The following CFAP58 variants were observed in gnomAD, a reference collection of about 807,000 sequenced individuals.
The protein encoded by CFAP58 is cilia and flagella associated protein 58.
A neutral mutation model predicts 119.5 loss-of-function variants in CFAP58; 88 were observed. The observed-to-expected ratio is 0.74, with a 90% confidence interval of 0.62 to 0.88. The LOEUF is 0.88. CFAP58 is among the 40% of genes least tolerant of loss of function. The pLI, the probability that CFAP58 is intolerant of heterozygous loss-of-function variation, is 0.00. For missense variants in CFAP58, 990 were observed against 1,021.2 expected (o/e 0.97, Z 0.42); for synonymous variants, 365 against 366.3 (o/e 1.00, Z 0.04).
chr10:104,429,084 C>T (rs938022535), intron 15 of CFAP58, among the ~76,000 whole-genome samples: 10 of 152,184 alleles, frequency 6.6e-5, no homozygotes, highest in African/African-American at 2.2e-4. Context: ...CATTGCCCTC[C>T]AGCAGCACCG....
intron 8 of CFAP58, among the ~76,000 whole-genome samples, chr10:104,378,673 A>G (rs1289992423): frequency 6.6e-6 from 1 of 152,200 alleles, no homozygotes; most frequent in Admixed American, 6.5e-5. Context: ...ATGACAAAAA[A>G]TGGCTGTCAC....
At chr10:104,431,484 T>C (rs1473025242) in intron 15 of CFAP58, among the ~76,000 whole-genome samples, 3 of 152,164 alleles carry the variant, frequency 2.0e-5, no homozygotes, top group Non-Finnish European at 4.4e-5. Context: ...TTCTTGAGGG[T>C]GGGAAAAATC....
At chr10:104,361,414 T>A (rs1020485821) in intron 2 of CFAP58, among the ~76,000 whole-genome samples, 2 of 152,196 alleles carry the variant, frequency 1.3e-5, no homozygotes, top group African/African-American at 2.4e-5. Context: ...GTTCTAAAGT[T>A]CACATTGTCA....
chr10:104,389,841 TA>T (rs2011997840), intron 9 of CFAP58, among the ~76,000 whole-genome samples: 1 of 152,050 alleles, frequency 6.6e-6, no homozygotes, highest in South Asian at 2.1e-4. Context: ...ACCTTGAGAT[TA>T]AAAAAGAACT....
At chr10:104,343,991 C>A in the CFAP58 span, among the ~76,000 whole-genome samples, 1 of 152,232 alleles carries the variant, frequency 6.6e-6, no homozygotes, top group Non-Finnish European at 1.5e-5. Flanking sequence ...GATCCTCCTT[C>A]CTCGGCCTCC....
At chr10:104,406,102 A>G (rs1296936900) in intron 14 of CFAP58, among the ~76,000 whole-genome samples, 4 of 152,234 alleles carry the variant, frequency 2.6e-5, no homozygotes, top group Admixed American at 1.3e-4. Flanking sequence ...GTCTCAAACA[A>G]CAACAACAAA....
chr10:104,392,905 T>C (rs566456891), intron 10 of CFAP58, among the ~76,000 whole-genome samples: 7 of 152,322 alleles, frequency 4.6e-5, no homozygotes, highest in Non-Finnish European at 8.8e-5. Flanking sequence ...CCTCCCAAAG[T>C]GCTGGGATTA....
chr10:104,366,823 T>A lies in CFAP58; in HGVS notation c.792+815T>A, dbSNP rs147579615. On this transcript the variant is annotated intron_variant, in intron 5 of 17. Coordinates refer to ENST00000369704, the MANE Select transcript of CFAP58 (RefSeq NM_001008723.2). The stretch of plus-strand genomic sequence containing the variant: ...TGTGCAGTATTCCACTGGGTGAGTA[T>A]AACAATTTATTTTTAACAGTTTTAT... Among the ~76,000 whole-genome samples, 446 of 152,200 alleles carry A rather than the reference T, an allele frequency of 2.9e-3. 4 individuals are homozygous for A. Among genetic ancestry groups the A allele is most frequent in the African/African-American group, 0.01 (432 of 41,550 alleles).
intron 16 of CFAP58, 139 bp from the exon 17 acceptor site, chr10:104,449,932 G>GTA: frequency 1.3e-6 from 1 of 795,494 alleles, no homozygotes. Flanking sequence ...CTGAGCTGGT[G>GTA]GAAGCATGCA....
At chr10:104,449,862 A>C (rs2013166939) in intron 16 of CFAP58, among the ~76,000 whole-genome samples, 2 of 152,088 alleles carry the variant, frequency 1.3e-5, no homozygotes, top group South Asian at 4.1e-4. Flanking sequence ...ATTTTGTTTA[A>C]AGTTGCAACC....
intron 7 of CFAP58, among the ~76,000 whole-genome samples, chr10:104,372,079 A>G (rs1035605343): frequency 4.6e-5 from 7 of 152,196 alleles, no homozygotes; most frequent in Non-Finnish European, 1.0e-4. Context: ...AAGGCAAAGC[A>G]CGGTGTCTCA....
At chr10:104,448,553 C>A (rs1471238897) in intron 16 of CFAP58, among the ~76,000 whole-genome samples, 1 of 152,192 alleles carries the variant, frequency 6.6e-6, no homozygotes, top group South Asian at 2.1e-4. Flanking sequence ...GAAGCATGTG[C>A]CAGTTGAATT....
At chr10:104,406,351 C>T (rs186123273) in intron 14 of CFAP58, among the ~76,000 whole-genome samples, 7 of 152,300 alleles carry the variant, frequency 4.6e-5, no homozygotes, top group Admixed American at 2.0e-4. Context: ...GTATAAAAAG[C>T]ACTTAGCATA....
intron 13 of CFAP58, among the ~76,000 whole-genome samples, 180 bp downstream of exon 13, chr10:104,401,083 C>A (rs1276644892): frequency 6.6e-6 from 1 of 152,124 alleles, no homozygotes; most frequent in Non-Finnish European, 1.5e-5. Context: ...CTCCATTGTG[C>A]CCATGCTGTG....
intron 15 of CFAP58, among the ~76,000 whole-genome samples, chr10:104,439,911 C>T (rs932425568): frequency 1.3e-5 from 2 of 152,310 alleles, no homozygotes; most frequent in South Asian, 4.1e-4. Flanking sequence ...GCTCCGCCTT[C>T]CGGGTTCACG....
intron 15 of CFAP58, among the ~76,000 whole-genome samples, chr10:104,428,213 T>A (rs2012783119): frequency 6.6e-6 from 1 of 152,042 alleles, no homozygotes; most frequent in Non-Finnish European, 1.5e-5. Flanking sequence ...ACTGTCAGCA[T>A]CCGCCAGGAG....
the CFAP58 span, among the ~76,000 whole-genome samples, chr10:104,346,280 G>T: frequency 6.6e-6 from 1 of 152,002 alleles, no homozygotes; most frequent in Non-Finnish European, 1.5e-5. Context: ...TAGAAACATT[G>T]GAAGTCATGT....
intron 15 of CFAP58, among the ~76,000 whole-genome samples, chr10:104,425,810 AAGACTGAGGCCAG>A (rs1329531226): frequency 6.6e-6 from 1 of 152,184 alleles, no homozygotes; most frequent in Non-Finnish European, 1.5e-5. Context: ...GACAAGGAAG[AAGACTGAGGCCAG>A]AGACTGAGGC....
intron 1 of CFAP58, among the ~76,000 whole-genome samples, chr10:104,357,916 TATATGTACAC>T (rs1564875919): frequency 8.7e-6 from 1 of 114,834 alleles, no homozygotes; most frequent in East Asian, 2.3e-4. Flanking sequence ...TATACACACA[TATATGTACAC>T]ATATACACAC....
Sources: allele counts gnomAD v4.1 joint callset (sites outside exome capture counted in the v4.1 genomes callset), GRCh38; gene constraint gnomAD v4.1.1; transcripts MANE v1.5; gene names NCBI Gene and HGNC (gene_info 2026-07-23, HGNC 2026-07-21).